The following UTRN variants were observed in gnomAD, a reference collection of about 807,000 sequenced individuals.
The protein encoded by UTRN is utrophin, also known as dystrophin-related protein 1.
A neutral mutation model predicts 463.9 loss-of-function variants in UTRN; 283 were observed. That is an observed-to-expected ratio of 0.61 (90% CI 0.55 to 0.67). The LOEUF is 0.67. Among genes scored for constraint, UTRN ranks in the 30% least tolerant of loss-of-function variants. The pLI is 0.00. For missense variants in UTRN, 3,922 were observed against 4,084.3 expected, an observed-to-expected ratio of 0.96 and a Z score of 1.08; for synonymous variants, 1,442 against 1,431.5, an observed-to-expected ratio of 1.01 and a Z score of -0.17.
rs553737160 is a variant in UTRN, at chr6:144,544,406, T to C, written c.6595+1536T>C. On this transcript the variant is annotated intron_variant, in intron 46 of 74. Transcript: ENST00000367545. ...CTAAAACCTCTTACTCATTAAGCAG[T>C]TTCTTCCCATTCCCTCCTACTCCCA... Among the ~76,000 whole-genome samples the C allele has an allele frequency of 1.6e-3, 247 of 152,262 alleles. 1 individual carries two copies. The highest frequency in any genetic ancestry group is 1.8e-3 in the Admixed American group (28 of 15,300).
chr6:144,749,808 C>A (rs1233218771), intron 55 of UTRN, among the ~76,000 whole-genome samples: 5 of 152,012 alleles, frequency 3.3e-5, no homozygotes, highest in African/African-American at 1.2e-4. Flanking sequence ...ATTTGAATTT[C>A]TTTTTTGTTC....
At chr6:144,732,239 C>T (rs71547166) in intron 54 of UTRN, among the ~76,000 whole-genome samples, 10,159 of 114,764 alleles carry the variant, frequency 0.089, 601 homozygotes, top group East Asian at 0.18. Context: ...TATATATATA[C>T]ATATATATAT....
chr6:144,487,619 T>G lies in UTRN; in HGVS notation c.3894T>G (p.Ile1298Met), dbSNP rs1792595508. Residue 1298 changes from isoleucine (I) to methionine (M), a missense_variant, in exon 29 of 75, where the codon ATT (isoleucine) becomes ATG (methionine). By Grantham distance (10) the Ile-to-Met change is conservative (BLOSUM62 1). Around this residue, in one of 3 missense-constraint regions of UTRN, gnomAD observed 2,349 missense variants for 2,303.8 expected, o/e 1.02. Transcript: ENST00000367545. ...TQIRELGQTL[I>M]DGGILDDIIS... ...TTCGAGAGCTTGGCCAGACTCTGAT[T>G]GATGGGGGGATCCTGGATGATATAA... 1.2e-6 allele frequency: 2 copies of G among 1,613,604 alleles called. No individual in the cohort carries two copies. Among genetic ancestry groups the G allele is most frequent in the Non-Finnish European group, 1.7e-6 (2 of 1,179,790 alleles).
At chr6:144,675,932 G>A (rs765256700) in intron 51 of UTRN, among the ~76,000 whole-genome samples, 2 of 152,024 alleles carry the variant, frequency 1.3e-5, no homozygotes, top group African/African-American at 2.4e-5. Context: ...TTAAGTCTAT[G>A]GCTTTTGATA....
chr6:144,304,416 C>T lies in UTRN; in HGVS notation c.79+12509C>T, dbSNP rs115595117. On this transcript the variant is annotated intron_variant, in intron 2 of 74. Coordinates refer to ENST00000367545, the MANE Select transcript of UTRN (RefSeq NM_007124.3). ...GTGAATAAGACACAGTTCCAGTTGT[C>T]GACTGTCTGTCACCTAGAGAGGGCA... Among the ~76,000 whole-genome samples, 1,447 of 152,062 alleles carry T rather than the reference C, an allele frequency of 9.5e-3. 21 individuals are homozygous for T. The highest frequency in any genetic ancestry group is 0.032 in the African/African-American group (1,320 of 41,480).
At position 144,824,773 on chromosome 6, in the gene UTRN, TG is replaced by T. The variant is rs1206634626; in HGVS notation, c.9495-2566del. 2.1e-4 allele frequency among the ~76,000 whole-genome samples: 22 copies of T among 105,872 alleles called. 1 individual carries two copies. The highest frequency in any genetic ancestry group is 6.8e-4 in the South Asian group (2 of 2,938). The allele number at this position is 105,872 out of a possible 152,430, so 69.5% of individuals were successfully genotyped here. A position where few individuals can be genotyped will look rare whatever the true frequency, so the allele number is the denominator to read the frequency against. On this transcript the variant is annotated intron_variant, in intron 66 of 74. Coordinates refer to ENST00000367545, the MANE Select transcript of UTRN (RefSeq NM_007124.3). ...CCTAGGCAGTATGTGAAGTTGGTGG[TG>T]GGGGGGGGTGTCCCCCCAGCGTTAA...
intron 32 of UTRN, among the ~76,000 whole-genome samples, chr6:144,492,757 A>C (rs1585001365): frequency 6.6e-6 from 1 of 152,300 alleles, no homozygotes; most frequent in African/African-American, 2.4e-5. Flanking sequence ...GATTTGCATC[A>C]GAAATCTGTT....
At chr6:144,292,284 G>A (rs1804313209) in intron 2 of UTRN, among the ~76,000 whole-genome samples, 1 of 152,220 alleles carries the variant, frequency 6.6e-6, no homozygotes, top group East Asian at 1.9e-4. Context: ...ATCTTTCACA[G>A]TTTGATTTCA....
intron 9 of UTRN, among the ~76,000 whole-genome samples, chr6:144,430,994 C>T (rs921414090): frequency 6.6e-6 from 1 of 152,090 alleles, no homozygotes; most frequent in Admixed American, 6.6e-5. Flanking sequence ...CCAGGGCTCT[C>T]TTTTGTAGTG....
chr6:144,639,212 G>A (rs1777517977), intron 51 of UTRN, among the ~76,000 whole-genome samples: 1 of 152,110 alleles, frequency 6.6e-6, no homozygotes, highest in East Asian at 1.9e-4. Flanking sequence ...TTATCTTCCT[G>A]TCCCATTGTA....
At chr6:144,672,040 C>T (rs887872419) in intron 51 of UTRN, among the ~76,000 whole-genome samples, 20 of 152,028 alleles carry the variant, frequency 1.3e-4, no homozygotes, top group East Asian at 7.7e-4. Context: ...CTTTTTTATA[C>T]GCTGTTTGAT....
chr6:144,584,670 T>A (rs1449980165), intron 51 of UTRN, among the ~76,000 whole-genome samples: 2 of 151,540 alleles, frequency 1.3e-5, no homozygotes, highest in Non-Finnish European at 2.9e-5. Context: ...TATTGCTGTC[T>A]GGAAACTTTT....
At chr6:144,345,088 G>C (rs78074210) in intron 2 of UTRN, among the ~76,000 whole-genome samples, 1 of 152,234 alleles carries the variant, frequency 6.6e-6, no homozygotes, top group African/African-American at 2.4e-5. Context: ...TTTGAGACTG[G>C]TTGGTTTTCT....
chr6:144,461,900 T>G (rs1382321857), intron 22 of UTRN, among the ~76,000 whole-genome samples: 4 of 152,246 alleles, frequency 2.6e-5, no homozygotes, highest in African/African-American at 9.6e-5. Flanking sequence ...TGTTTTGTTT[T>G]GTTTTGTTTT....
intron 51 of UTRN, among the ~76,000 whole-genome samples, chr6:144,656,158 C>T (rs1036941849): frequency 1.3e-5 from 2 of 152,134 alleles, no homozygotes; most frequent in African/African-American, 4.8e-5. Context: ...GCATATTCCA[C>T]CTACTGAGGA....
At chr6:144,682,962 G>A (rs190573892) in intron 52 of UTRN, among the ~76,000 whole-genome samples, 102 of 152,046 alleles carry the variant, frequency 6.7e-4, no homozygotes, top group African/African-American at 2.1e-3. Flanking sequence ...TTTTTCTCTC[G>A]GTCGGTAATG....
intron 3 of UTRN, among the ~76,000 whole-genome samples, chr6:144,421,477 C>T (rs1388195001): frequency 6.6e-6 from 1 of 151,928 alleles, no homozygotes; most frequent in Non-Finnish European, 1.5e-5. Flanking sequence ...ATCATGAGGT[C>T]AGGAGATCGA....
chr6:144,408,340 G>A (rs1783602936), intron 3 of UTRN, among the ~76,000 whole-genome samples: 1 of 152,334 alleles, frequency 6.6e-6, no homozygotes, highest in South Asian at 2.1e-4. Context: ...AGGCAGCAAA[G>A]GCCTCATTGC....
At chr6:144,483,213 C>T (rs1050192284) in intron 27 of UTRN, among the ~76,000 whole-genome samples, 2 of 152,114 alleles carry the variant, frequency 1.3e-5, no homozygotes, top group African/African-American at 2.4e-5. Flanking sequence ...CAATTTTGTG[C>T]TAAGATAAAT....
Sources: gnomAD v4.1 joint callset for allele counts (sites outside exome capture counted in the v4.1 genomes callset) on GRCh38, gnomAD v4.1.1 for gene constraint, gnomAD v4.1.1 regional missense constraint, MANE v1.5 for transcripts, NCBI Gene and HGNC (gene_info 2026-07-23, HGNC 2026-07-21) for gene names.